Variants in ELL2 observed in about 807,000 individuals in gnomAD.
The protein encoded by ELL2 is RNA polymerase II elongation factor ELL2.
ELL2 carries 21 observed loss-of-function variants against 72.8 expected under a neutral mutation model. That is an observed-to-expected ratio of 0.29 (90% CI 0.20 to 0.42). ELL2 has a LOEUF of 0.42. ELL2 is among the 10% of genes least tolerant of loss of function. The pLI is 1.00. For missense variants in ELL2, 568 were observed against 772.8 expected (o/e 0.73, Z 3.14); for synonymous variants, 266 against 283.2 (o/e 0.94, Z 0.61).
At position 95,895,663 on chromosome 5, in the gene ELL2, C is replaced by A; in HGVS notation, c.1554G>T (p.Met518Ile). 1.9e-6 allele frequency: 3 copies of A among 1,614,020 alleles called. No homozygotes were observed. Among genetic ancestry groups the A allele is most frequent in the East Asian group, 2.2e-5 (1 of 44,880 alleles). Residue 518 changes from methionine to isoleucine, a missense_variant, in exon 9 of 12, where the codon ATG (methionine) becomes ATT (isoleucine). This residue lies in a region of ELL2 where 511 missense variants were observed against 728.4 expected (regional missense o/e 0.70). Coordinates refer to ENST00000237853, the MANE Select transcript of ELL2 (RefSeq NM_012081.6). Reference protein sequence around the residue: ...GGVKEDCTASMEPSAIELPDY... With the variant: ...GGVKEDCTASIEPSAIELPDY... ...CTGGGAGTTCAATTGCTGAAGGTTC[C>A]ATGGAGGCAGTGCAATCCTCTTTAA...
At chr5:95,906,087 A>C (rs1329210275) in intron 5 of ELL2, among the ~76,000 whole-genome samples, 1 of 152,246 alleles carries the variant, frequency 6.6e-6, no homozygotes, top group African/African-American at 2.4e-5. Flanking sequence ...AGGGCAGCAC[A>C]AAGTATGTGG....
At chr5:95,912,518 T>C (rs1322060493) in intron 4 of ELL2, among the ~76,000 whole-genome samples, 1 of 151,966 alleles carries the variant, frequency 6.6e-6, no homozygotes, top group Non-Finnish European at 1.5e-5. Context: ...TTAAAAACAA[T>C]TTGAGATTTA....
At chr5:95,923,178 A>T (rs1750157702) in intron 2 of ELL2, among the ~76,000 whole-genome samples, 1 of 151,928 alleles carries the variant, frequency 6.6e-6, no homozygotes, top group Non-Finnish European at 1.5e-5. Flanking sequence ...TGAGCCTGGG[A>T]GTTCGAGACC....
chr5:95,894,822 C>A (rs1407144344), intron 9 of ELL2, among the ~76,000 whole-genome samples: 1 of 152,178 alleles, frequency 6.6e-6, no homozygotes, highest in Non-Finnish European at 1.5e-5. Flanking sequence ...ACATTGTCCA[C>A]CATGAGATGC....
intron 5 of ELL2, 98 bp downstream of exon 5, chr5:95,906,425 C>T: frequency 7.6e-7 from 1 of 1,314,150 alleles, no homozygotes; most frequent in African/African-American, 1.5e-5. Flanking sequence ...TAAAATTTCT[C>T]TATCTCAATA....
intron 9 of ELL2, among the ~76,000 whole-genome samples, chr5:95,892,543 T>G (rs1748706857): frequency 6.6e-6 from 1 of 152,244 alleles, no homozygotes; most frequent in South Asian, 2.1e-4. Context: ...CTATCATTAA[T>G]GCAAACTTCC....
intron 5 of ELL2, among the ~76,000 whole-genome samples, chr5:95,906,188 G>C (rs1749352982): frequency 6.6e-6 from 1 of 152,010 alleles, no homozygotes; most frequent in Admixed American, 6.6e-5. Context: ...CAATTTCACC[G>C]ACAATAATCA....
At chr5:95,959,575 C>A (rs994260070) in intron 1 of ELL2, among the ~76,000 whole-genome samples, 6 of 152,226 alleles carry the variant, frequency 3.9e-5, no homozygotes, top group African/African-American at 1.4e-4. Context: ...GCCTCCCACT[C>A]CGTCTGATGC....
rs1748470475 is a variant in ELL2, at chr5:95,886,528, A to G, written c.*2343T>C. On this transcript the variant is annotated 3_prime_UTR_variant, in exon 12 of 12. Coordinates refer to ENST00000237853, the MANE Select transcript of ELL2 (RefSeq NM_012081.6). ...GTACAGGGTAGGAGCTCCAATGGCT[A>G]ACCATTCACCAACTGGAAGGCTTGT... 1.3e-5 allele frequency: 2 copies of G among 152,316 alleles called. No homozygotes were observed. The highest frequency in any genetic ancestry group is 4.1e-4 in the South Asian group (2 of 4,832). The allele number at this position is 152,316 out of a possible 1,614,324, so 9.4% of individuals were successfully genotyped here.
At chr5:95,920,602 G>T (rs1297045100) in intron 2 of ELL2, among the ~76,000 whole-genome samples, 1 of 151,868 alleles carries the variant, frequency 6.6e-6, no homozygotes, top group Non-Finnish European at 1.5e-5. Context: ...AGTTGTTAAA[G>T]ACCACTGAGG....
At chr5:95,955,215 T>C (rs988507128) in intron 1 of ELL2, among the ~76,000 whole-genome samples, 1 of 152,094 alleles carries the variant, frequency 6.6e-6, no homozygotes, top group Non-Finnish European at 1.5e-5. Context: ...CAATAACATA[T>C]AGGATCCCTG....
At chr5:95,917,785 A>G (rs1458019) in intron 3 of ELL2, among the ~76,000 whole-genome samples, 46,418 of 152,038 alleles carry the variant, frequency 0.31, 7,414 homozygotes, top group East Asian at 0.41. Flanking sequence ...AAATAACCAC[A>G]CAGGGTATTT....
chr5:95,927,408 CGT>C lies in ELL2; in HGVS notation c.196-7865_196-7864del, dbSNP rs1554077278. 5.5e-4 allele frequency among the ~76,000 whole-genome samples: 14 copies of C among 25,486 alleles called. 3 individuals are homozygous for C. Among genetic ancestry groups the C allele is most frequent in the Admixed American group, 8.0e-4 (3 of 3,732 alleles). The allele number at this position is 25,486 out of a possible 152,430, so 16.7% of individuals were successfully genotyped here. A position where few individuals can be genotyped will look rare whatever the true frequency, so the allele number is the denominator to read the frequency against. Reference sequence around the variant, plus strand: ...GTGTGTATATATAGACATACACACACGTGTGTATATAGACATACACACACACG... The same window carrying C: ...GTGTGTATATATAGACATACACACACGTGTATATAGACATACACACACACG... On this transcript the variant is annotated intron_variant, in intron 2 of 11. Coordinates refer to ENST00000237853, the MANE Select transcript of ELL2 (RefSeq NM_012081.6).
intron 5 of ELL2, among the ~76,000 whole-genome samples, chr5:95,901,629 C>G (rs1380703782): frequency 1.3e-5 from 2 of 152,088 alleles, no homozygotes. Flanking sequence ...CGCTTTGGGG[C>G]CATTACTAAG....
At chr5:95,923,152 A>C (rs1750156669) in intron 2 of ELL2, among the ~76,000 whole-genome samples, 1 of 151,938 alleles carries the variant, frequency 6.6e-6, no homozygotes, top group Admixed American at 6.6e-5. Context: ...TGGGAGGCTG[A>C]GGTGGGAGGA....
chr5:95,898,396 T>C lies in ELL2; in HGVS notation c.1369A>G (p.Met457Val), dbSNP rs762017859. 5 of 1,613,232 alleles carry C rather than the reference T, an allele frequency of 3.1e-6. No homozygotes were observed. The highest frequency in any genetic ancestry group is 1.1e-5 in the South Asian group (1 of 91,056). ...TTCTTTTTGGACTTTTTGTGAGACATTGAATGGTTTTCTTCCATAGGCTTT... is the reference window on the plus strand; with the variant it reads ...TTCTTTTTGGACTTTTTGTGAGACACTGAATGGTTTTCTTCCATAGGCTTT... ...CPKPMEENHS[M>V]SHKKSKKKSK... The change falls in exon 8 of 12, where the codon ATG becomes GTG. Residue 457 changes from methionine (M) to valine (V), a missense_variant. This residue lies in a region of ELL2 where 511 missense variants were observed against 728.4 expected (regional missense o/e 0.70). Transcript: ENST00000237853.
At chr5:95,927,716 TATGTGTGTATATAG>T (rs1750420992) in intron 2 of ELL2, among the ~76,000 whole-genome samples, 6 of 71,036 alleles carry the variant, frequency 8.4e-5, no homozygotes, top group Admixed American at 1.2e-4. Flanking sequence ...CACACACACA[TATGTGTGTATATAG>T]ACATACACAC....
At chr5:95,936,257 TCAGAGGTTA>T (rs1323042048) in intron 2 of ELL2, among the ~76,000 whole-genome samples, 4 of 152,186 alleles carry the variant, frequency 2.6e-5, no homozygotes, top group Non-Finnish European at 5.9e-5. Context: ...ATTAGAGAGG[TCAGAGGTTA>T]CCCAGAAATT....
chr5:95,922,254 G>A (rs1750116878), intron 2 of ELL2, among the ~76,000 whole-genome samples: 1 of 152,212 alleles, frequency 6.6e-6, no homozygotes, highest in Non-Finnish European at 1.5e-5. Flanking sequence ...AGTAGACACA[G>A]GGTTTCACTG....
Sources: gnomAD v4.1 joint callset for allele counts (sites outside exome capture counted in the v4.1 genomes callset) on GRCh38, gnomAD v4.1.1 for gene constraint, gnomAD v4.1.1 regional missense constraint, MANE v1.5 for transcripts, NCBI Gene and HGNC (gene_info 2026-07-23, HGNC 2026-07-21) for gene names.